The following PRMT8 variants were observed in gnomAD, a reference collection of about 807,000 sequenced individuals.
The protein encoded by PRMT8 is protein arginine methyltransferase 8, also known as protein arginine N-methyltransferase 8.
Under a neutral mutation model 47.1 loss-of-function variants are expected in PRMT8, and 7 were observed. The observed-to-expected ratio is 0.15, with a 90% CI of 0.08 to 0.28. PRMT8 has a LOEUF of 0.28. Ranked by LOEUF, PRMT8 falls within the 10% of genes least tolerant of loss-of-function variation. PRMT8 has a pLI of 1.00. For synonymous variants in PRMT8, 188 were observed against 186.5 expected (o/e 1.01, Z -0.07); for missense variants, 237 against 505.4 (o/e 0.47, Z 5.09).
chr12:3,498,653 G>A (rs145148627), intron 1 of PRMT8, among the ~76,000 whole-genome samples: 55 of 152,238 alleles, frequency 3.6e-4, no homozygotes, highest in Admixed American at 7.8e-4. Flanking sequence ...ATAGCTCTTC[G>A]GAAGCTTGAC....
chr12:3,574,628 A>C (rs1866906588), intron 6 of PRMT8, among the ~76,000 whole-genome samples: 1 of 152,246 alleles, frequency 6.6e-6, no homozygotes. Context: ...TATGCACTTT[A>C]CGTATAATCA....
intron 1 of PRMT8, among the ~76,000 whole-genome samples, chr12:3,477,320 C>T (rs1436423885): frequency 1.3e-5 from 2 of 152,228 alleles, no homozygotes; most frequent in African/African-American, 2.4e-5. Context: ...CCGCACTGGA[C>T]TGGGCATTGA....
At position 3,577,488 on chromosome 12, in the gene PRMT8, A is replaced by G. The variant is rs535139791; in HGVS notation, c.828+502A>G. 5.1e-3 allele frequency among the ~76,000 whole-genome samples: 770 copies of G among 152,022 alleles called. 3 individuals are homozygous for G. Among genetic ancestry groups the G allele is most frequent in the African/African-American group, 0.017 (712 of 41,444 alleles). On this transcript the variant is annotated intron_variant, in intron 7 of 9. Transcript: ENST00000382622. ...TCCCTGTTCATGCTCTCGCCTCCAC[A>G]TACACCTTTGCCCCAGCGGCCTGCC... is the stretch of plus-strand genomic sequence containing the variant.
At chr12:3,397,250 G>A (rs1424501728) in intron 1 of PRMT8, among the ~76,000 whole-genome samples, 1 of 151,932 alleles carries the variant, frequency 6.6e-6, no homozygotes, top group Admixed American at 6.5e-5. Context: ...TCCATTGCTG[G>A]TGAGGAACTG....
At chr12:3,466,668 T>A (rs1379476138) in intron 1 of PRMT8, among the ~76,000 whole-genome samples, 2 of 152,204 alleles carry the variant, frequency 1.3e-5, no homozygotes, top group Non-Finnish European at 1.5e-5. Context: ...CAACAGCTAG[T>A]GACATTATCT....
At chr12:3,588,050 A>G (rs1867219394) in intron 8 of PRMT8, among the ~76,000 whole-genome samples, 1 of 152,164 alleles carries the variant, frequency 6.6e-6, no homozygotes, top group African/African-American at 2.4e-5. Context: ...AAAGCCAGGT[A>G]GCAGGTGGAA....
At position 3,410,724 on chromosome 12, in the gene PRMT8, G is replaced by A. The variant is rs189999849; in HGVS notation, c.48+29282G>A. ...GGGTTTTACCATATTGGCCAGGCTGGTCTCGAACTCCTGACCTCGTGATCC... is the reference window on the plus strand; with the variant it reads ...GGGTTTTACCATATTGGCCAGGCTGATCTCGAACTCCTGACCTCGTGATCC... On this transcript the variant is annotated intron_variant, in intron 1 of 9. Transcript: ENST00000452611. Among the ~76,000 whole-genome samples the A allele has an allele frequency of 5.5e-3, 831 of 152,214 alleles. 12 individuals carry two copies. Among genetic ancestry groups the A allele is most frequent in the African/African-American group, 0.019 (795 of 41,534 alleles).
chr12:3,450,519 T>G (rs1395510672), intron 1 of PRMT8, among the ~76,000 whole-genome samples: 1 of 152,248 alleles, frequency 6.6e-6, no homozygotes, highest in Non-Finnish European at 1.5e-5. Context: ...GTATCATTGG[T>G]CAAATTACTA....
At chr12:3,507,419 C>A (rs1256606970) in intron 1 of PRMT8, among the ~76,000 whole-genome samples, 1 of 152,094 alleles carries the variant, frequency 6.6e-6, no homozygotes, top group Non-Finnish European at 1.5e-5. Context: ...CCGCGCCCAG[C>A]CAAGTGGTGG....
chr12:3,460,371 A>C (rs1865027335), intron 1 of PRMT8, among the ~76,000 whole-genome samples: 1 of 152,222 alleles, frequency 6.6e-6, no homozygotes, highest in South Asian at 2.1e-4. Flanking sequence ...CTGTGAGATC[A>C]TGGACATCAC....
In PRMT8 at chr12:3,535,705, C is replaced by T. The variant is rs940242645; in HGVS notation, c.76-4901C>T. Among the ~76,000 whole-genome samples, 16 of 152,178 alleles carry T rather than the reference C, an allele frequency of 1.1e-4. 1 individual carries two copies. The highest frequency in any genetic ancestry group is 5.8e-4 in the East Asian group (3 of 5,174). On this transcript the variant is annotated intron_variant, in intron 1 of 9. Transcript: ENST00000382622. The surrounding 1 kb of genome is among the most constrained non-coding windows in gnomAD (Gnocchi z 4.7). ...CAGGAACCCTGGAAGGGACTGGGGG[C>T]ACTGGAATGTCCAGTGGGGAGGGAC...
chr12:3,580,484 G>A lies in PRMT8; in HGVS notation c.829-2574G>A, dbSNP rs187709410. 7.9e-4 allele frequency among the ~76,000 whole-genome samples: 120 copies of A among 152,226 alleles called. 1 individual carries two copies. The highest frequency in any genetic ancestry group is 2.7e-3 in the African/African-American group (111 of 41,518). On this transcript the variant is annotated intron_variant, in intron 7 of 9. Transcript: ENST00000382622. This position sits in a 1 kb window ranked among gnomAD's most constrained non-coding sequence, Gnocchi z 4.6. ...CACAGTCTGGATGAACCTGAGTTAC[G>A]AAAGAGGGGCCTAGGCAAAGAAGTA...
At chr12:3,403,824 C>CA (rs1864344506) in intron 1 of PRMT8, among the ~76,000 whole-genome samples, 1 of 139,532 alleles carries the variant, frequency 7.2e-6, no homozygotes, top group African/African-American at 2.7e-5. Flanking sequence ...TTGCAGTGAG[C>CA]CAAGATCATG....
intron 1 of PRMT8, among the ~76,000 whole-genome samples, chr12:3,515,500 A>C (rs1337282678): frequency 6.6e-6 from 1 of 152,214 alleles, no homozygotes; most frequent in Non-Finnish European, 1.5e-5. Flanking sequence ...ATGTACCCTA[A>C]AACTTAAAGT....
chr12:3,581,866 A>G lies in PRMT8; in HGVS notation c.829-1192A>G, dbSNP rs113779034. Among the ~76,000 whole-genome samples the G allele has an allele frequency of 7.2e-3, 1,090 of 152,330 alleles. 9 individuals are homozygous for G. The highest frequency in any genetic ancestry group is 0.011 in the Non-Finnish European group (767 of 68,030). On this transcript the variant is annotated intron_variant, in intron 7 of 9. Transcript: ENST00000382622. ...CTGTGGAGTTAGGACTTCTCTTTGA[A>G]GGCCCCAGGATAGTTTGCGTCTGTT...
chr12:3,553,109 A>G (rs1003536319), intron 3 of PRMT8: 2 of 200,392 alleles, frequency 1.0e-5, no homozygotes, highest in Admixed American at 5.4e-5. Flanking sequence ...TTTCTTTCAA[A>G]GATGAAGCGG....
chr12:3,441,615 G>A (rs1565408488), intron 1 of PRMT8, among the ~76,000 whole-genome samples: 1 of 152,216 alleles, frequency 6.6e-6, no homozygotes. Context: ...GAATTCATGA[G>A]GGAATTAATG....
chr12:3,490,817 A>G (rs1865381161), upstream of PRMT8, among the ~76,000 whole-genome samples: 1 of 144,222 alleles, frequency 6.9e-6, no homozygotes, highest in Admixed American at 6.8e-5. Flanking sequence ...CCAAATCGTA[A>G]TTCGCCGAGG....
intron 1 of PRMT8, among the ~76,000 whole-genome samples, chr12:3,465,799 A>G (rs536415580): frequency 6.6e-6 from 1 of 152,354 alleles, no homozygotes; most frequent in East Asian, 1.9e-4. Context: ...TGTCCTGCTA[A>G]TAGCATTTGC....
Sources: allele counts gnomAD v4.1 joint callset (sites outside exome capture counted in the v4.1 genomes callset), GRCh38; gene constraint gnomAD v4.1.1; non-coding constraint Gnocchi (gnomAD v3.1); transcripts MANE v1.5; gene names NCBI Gene and HGNC (gene_info 2026-07-23, HGNC 2026-07-21).